Variants in AKAP6 observed in about 807,000 individuals in gnomAD.
AKAP6 encodes A-kinase anchor protein 6.
A neutral mutation model predicts 188.5 loss-of-function variants in AKAP6; 58 were observed. That is an observed-to-expected ratio of 0.31 (90% CI 0.25 to 0.38). AKAP6 has a LOEUF of 0.38. Ranked by LOEUF, AKAP6 falls within the 10% of genes least tolerant of loss-of-function variation. AKAP6 has a pLI of 1.00. For missense variants in AKAP6, 2,710 were observed against 2,740.0 expected (o/e 0.99, Z 0.24); for synonymous variants, 989 against 998.6 (o/e 0.99, Z 0.18).
intron 12 of AKAP6, among the ~76,000 whole-genome samples, chr14:32,816,476 A>C (rs910161457): frequency 6.6e-6 from 1 of 152,188 alleles, no homozygotes; most frequent in African/African-American, 2.4e-5. Context: ...AATTACAAGC[A>C]CGAGCCACTG....
chr14:32,610,340 T>C (rs2139381520), intron 7 of AKAP6, among the ~76,000 whole-genome samples: 1 of 152,318 alleles, frequency 6.6e-6, no homozygotes, highest in Middle Eastern at 3.4e-3. Flanking sequence ...TTACCCACCC[T>C]TTTCCAAATG....
intron 7 of AKAP6, among the ~76,000 whole-genome samples, chr14:32,610,940 T>C (rs1224710647): frequency 2.6e-5 from 4 of 152,168 alleles, no homozygotes; most frequent in Admixed American, 2.0e-4. Flanking sequence ...GCCCTGTGTG[T>C]TTTTAATGAT....
chr14:32,544,586 A>G (rs1566565841), intron 3 of AKAP6, among the ~76,000 whole-genome samples: 1 of 152,020 alleles, frequency 6.6e-6, no homozygotes, highest in Non-Finnish European at 1.5e-5. Context: ...CAGAGGGAGG[A>G]GCTGATGCTA....
intron 7 of AKAP6, among the ~76,000 whole-genome samples, chr14:32,619,720 T>C (rs1345263467): frequency 1.3e-5 from 2 of 152,128 alleles, no homozygotes; most frequent in Non-Finnish European, 2.9e-5. Context: ...ATGATGTTGA[T>C]ATTTAATAGG....
chr14:32,556,502 C>T (rs1328208262), intron 4 of AKAP6, among the ~76,000 whole-genome samples: 1 of 152,084 alleles, frequency 6.6e-6, no homozygotes, highest in Non-Finnish European at 1.5e-5. Context: ...GCCACCACAC[C>T]TGGCTAATTT....
chr14:32,544,138 A>G (rs571532991), intron 3 of AKAP6, among the ~76,000 whole-genome samples: 2 of 152,216 alleles, frequency 1.3e-5, no homozygotes, highest in Non-Finnish European at 2.9e-5. Context: ...CACAGGGTCC[A>G]GCAGCCACAT....
chr14:32,516,223 G>C (rs2139040816), intron 2 of AKAP6, among the ~76,000 whole-genome samples: 1 of 152,346 alleles, frequency 6.6e-6, no homozygotes, highest in South Asian at 2.1e-4. Context: ...AAGCCTCTCA[G>C]GGTATGCCTT....
intron 1 of AKAP6, among the ~76,000 whole-genome samples, chr14:32,330,616 C>A (rs1886501067): frequency 6.7e-6 from 1 of 150,210 alleles, no homozygotes; most frequent in Non-Finnish European, 1.5e-5. Flanking sequence ...GAAAGAATGG[C>A]AACCATTGAA....
chr14:32,377,251 G>A (rs1036637915), intron 1 of AKAP6, among the ~76,000 whole-genome samples: 3 of 152,038 alleles, frequency 2.0e-5, no homozygotes, highest in East Asian at 1.9e-4. Context: ...TATTTCTCTC[G>A]CTCATTCTAG....
intron 4 of AKAP6, among the ~76,000 whole-genome samples, chr14:32,563,762 GA>G (rs11341035): frequency 0.28 from 42,284 of 152,000 alleles, 5,919 homozygotes; most frequent in East Asian, 0.37. Context: ...AATTGTATTA[GA>G]GATAATTCTC....
At chr14:32,535,858 G>A in intron 3 of AKAP6, 53 bp downstream of exon 3, 1 of 1,562,760 alleles carries the variant, frequency 6.4e-7, no homozygotes, top group Non-Finnish European at 8.7e-7. Flanking sequence ...GACCAATTGA[G>A]AATGTTTTCA....
chr14:32,599,666 T>A (rs1287732586), intron 6 of AKAP6, among the ~76,000 whole-genome samples, 160 bp downstream of exon 6: 1 of 152,210 alleles, frequency 6.6e-6, no homozygotes, highest in Non-Finnish European at 1.5e-5. Flanking sequence ...ATATACTGCA[T>A]ACAATGCTGT....
At chr14:32,807,982 G>T (rs139013800) in intron 12 of AKAP6, among the ~76,000 whole-genome samples, 22 of 152,318 alleles carry the variant, frequency 1.4e-4, no homozygotes, top group Admixed American at 2.6e-4. Context: ...CAAAATAACC[G>T]CATTTCAAGA....
chr14:32,798,947 G>A (rs1415977809), intron 12 of AKAP6, among the ~76,000 whole-genome samples: 1 of 152,092 alleles, frequency 6.6e-6, no homozygotes, highest in Non-Finnish European at 1.5e-5. Context: ...TGTAAAAACT[G>A]TTTTGAACAG....
chr14:32,467,467 G>C (rs1878527831), intron 2 of AKAP6, among the ~76,000 whole-genome samples: 1 of 151,994 alleles, frequency 6.6e-6, no homozygotes, highest in Admixed American at 6.6e-5. Flanking sequence ...TTTAAAAATG[G>C]AATGACTACC....
intron 2 of AKAP6, among the ~76,000 whole-genome samples, chr14:32,506,837 A>G (rs1221079929): frequency 1.3e-5 from 2 of 151,972 alleles, no homozygotes; most frequent in Non-Finnish European, 2.9e-5. Context: ...CCAGCCCCTC[A>G]TTTTAGTTCT....
intron 11 of AKAP6, among the ~76,000 whole-genome samples, chr14:32,767,880 C>A (rs1156739336): frequency 1.3e-5 from 2 of 152,170 alleles, no homozygotes; most frequent in Non-Finnish European, 2.9e-5. Flanking sequence ...AGCACATTCA[C>A]CTCCCTTACC....
At chr14:32,519,787 C>A (rs1310397648) in intron 2 of AKAP6, among the ~76,000 whole-genome samples, 1 of 152,072 alleles carries the variant, frequency 6.6e-6, no homozygotes, top group Admixed American at 6.6e-5. Context: ...GACAGATCAA[C>A]GAGACAGAAA....
At chr14:32,480,848 T>C (rs940446409) in intron 2 of AKAP6, among the ~76,000 whole-genome samples, 1 of 152,164 alleles carries the variant, frequency 6.6e-6, no homozygotes, top group Non-Finnish European at 1.5e-5. Flanking sequence ...GTTGGTTTTC[T>C]TGTTGCTTCA....
Sources: allele counts gnomAD v4.1 joint callset (sites outside exome capture counted in the v4.1 genomes callset), GRCh38; gene constraint gnomAD v4.1.1; transcripts MANE v1.5; gene names NCBI Gene and HGNC (gene_info 2026-07-23, HGNC 2026-07-21).